Variants in LNX1 observed in about 807,000 individuals in gnomAD.
LNX1 encodes ligand of numb-protein X 1, also known as E3 ubiquitin-protein ligase LNX.
A neutral mutation model predicts 68.4 loss-of-function variants in LNX1; 54 were observed. The observed-to-expected ratio is 0.79, with a 90% CI of 0.63 to 0.99. The LOEUF (loss-of-function observed/expected upper bound fraction) is 0.99. LNX1 is among the 50% of genes least tolerant of loss of function. The probability of loss-of-function intolerance (pLI) is 0.00; values close to 1 mark genes in which losing one functional copy is unlikely to be tolerated. For synonymous variants in LNX1, 336 were observed against 350.0 expected, an observed-to-expected ratio of 0.96 and a Z score of 0.45; for missense variants, 906 against 926.4, an observed-to-expected ratio of 0.98 and a Z score of 0.29.
chr4:53,508,963 A>T (rs115872114), intron 2 of LNX1, among the ~76,000 whole-genome samples: 2,672 of 152,274 alleles, frequency 0.018, 82 homozygotes, highest in African/African-American at 0.061. Context: ...AGAAAACTCC[A>T]CAAAAACCAA....
At chr4:53,530,809 A>G (rs1172004670) in intron 2 of LNX1, among the ~76,000 whole-genome samples, 2 of 152,180 alleles carry the variant, frequency 1.3e-5, no homozygotes, top group Admixed American at 6.5e-5. Context: ...GTCAAATTAC[A>G]TAGTGTCTAG....
intron 1 of LNX1, among the ~76,000 whole-genome samples, chr4:53,637,573 C>A (rs1257898471): frequency 6.6e-6 from 1 of 152,164 alleles, no homozygotes; most frequent in Non-Finnish European, 1.5e-5. Context: ...CCCCACGACA[C>A]TGTAAGGTAG....
At chr4:53,636,725 C>A (rs1235028964) in intron 1 of LNX1, among the ~76,000 whole-genome samples, 1 of 152,086 alleles carries the variant, frequency 6.6e-6, no homozygotes, top group African/African-American at 2.4e-5. Context: ...TATCAGGGAG[C>A]AAACCCTCAG....
chr4:53,586,495 G>A (rs1358565373), intron 1 of LNX1, among the ~76,000 whole-genome samples: 4 of 152,148 alleles, frequency 2.6e-5, no homozygotes, highest in African/African-American at 9.7e-5. Context: ...TCAAACACAA[G>A]AAGCAAATAA....
intron 1 of LNX1, chr4:53,576,298 A>C: frequency 3.1e-6 from 5 of 1,613,202 alleles, no homozygotes; most frequent in Non-Finnish European, 3.4e-6. Flanking sequence ...CCCCATAGCC[A>C]AGTTCCAGGA....
chr4:53,461,623 ATATT>A (rs1264181815), intron 9 of LNX1, 30 bp from the exon 10 acceptor site: 1 of 1,548,434 alleles, frequency 6.5e-7, no homozygotes, highest in Non-Finnish European at 8.8e-7. Flanking sequence ...GTGTACATGC[ATATT>A]TAAGTTTCAC....
At chr4:53,520,605 G>A (rs1727143688) in intron 2 of LNX1, among the ~76,000 whole-genome samples, 1 of 152,138 alleles carries the variant, frequency 6.6e-6, no homozygotes, top group African/African-American at 2.4e-5. Flanking sequence ...TGATGTGATG[G>A]GGTGGGGGTC....
chr4:53,624,482 C>A (rs1211374844), intron 1 of LNX1, among the ~76,000 whole-genome samples: 1 of 152,206 alleles, frequency 6.6e-6, no homozygotes, highest in Non-Finnish European at 1.5e-5. Flanking sequence ...CCTCCCCAGC[C>A]ACATGCAACT....
intron 1 of LNX1, chr4:53,575,518 C>G: frequency 1.0e-6 from 1 of 985,384 alleles, no homozygotes; most frequent in Non-Finnish European, 1.2e-6. Flanking sequence ...AGTCCCCATT[C>G]CAGAGGTGAC....
chr4:53,508,554 A>G (rs1726094703), intron 2 of LNX1, among the ~76,000 whole-genome samples: 1 of 152,180 alleles, frequency 6.6e-6, no homozygotes, highest in African/African-American at 2.4e-5. Flanking sequence ...ATGTTCAACT[A>G]TTTGGTAATT....
At chr4:53,529,991 G>GA (rs1387272747) in intron 2 of LNX1, among the ~76,000 whole-genome samples, 14 of 151,800 alleles carry the variant, frequency 9.2e-5, no homozygotes, top group Non-Finnish European at 1.6e-4. Context: ...CCTCAATATG[G>GA]AAAAAAAACT....
At chr4:53,564,525 GC>G (rs1269899111) in intron 2 of LNX1, among the ~76,000 whole-genome samples, 1 of 152,196 alleles carries the variant, frequency 6.6e-6, no homozygotes, top group African/African-American at 2.4e-5. Context: ...CCTGGGGTGG[GC>G]AGAATAATTA....
At chr4:53,475,133 A>G (rs1723480469) in intron 9 of LNX1, among the ~76,000 whole-genome samples, 1 of 152,236 alleles carries the variant, frequency 6.6e-6, no homozygotes, top group South Asian at 2.1e-4. Context: ...GGTAGAGGGG[A>G]AGAAAGACAT....
chr4:53,646,888 T>A (rs773380455), intron 1 of LNX1, among the ~76,000 whole-genome samples: 5 of 152,238 alleles, frequency 3.3e-5, no homozygotes, highest in South Asian at 4.1e-4. Flanking sequence ...CAATTTAACA[T>A]GAGTAAATAA....
intron 2 of LNX1, among the ~76,000 whole-genome samples, chr4:53,564,509 C>G (rs753761132): frequency 7.9e-5 from 12 of 152,224 alleles, no homozygotes; most frequent in Non-Finnish European, 1.8e-4. Flanking sequence ...TCTCCCCACT[C>G]TTACTCCTGG....
At chr4:53,595,816 G>A (rs141569891), upstream of LNX1, among the ~76,000 whole-genome samples, 4 of 152,290 alleles carry the variant, frequency 2.6e-5, no homozygotes, top group African/African-American at 9.6e-5. Flanking sequence ...TGAACCTACA[G>A]CGAAGACCAT....
At chr4:53,619,499 A>T (rs886904173), upstream of LNX1, among the ~76,000 whole-genome samples, 5 of 152,114 alleles carry the variant, frequency 3.3e-5, no homozygotes, top group Non-Finnish European at 7.4e-5. Flanking sequence ...TTCAAGTTTC[A>T]TGCGTGTTGG....
At chr4:53,466,156 GA>G (rs11285844) in intron 9 of LNX1, among the ~76,000 whole-genome samples, 147,529 of 151,658 alleles carry the variant, frequency 0.97, 71,831 homozygotes, top group Non-Finnish European at 1. Flanking sequence ...TTTGTTTTAA[GA>G]AAAAAAAAAT....
At chr4:53,562,578 T>C (rs2109742249) in intron 2 of LNX1, among the ~76,000 whole-genome samples, 1 of 152,340 alleles carries the variant, frequency 6.6e-6, no homozygotes, top group African/African-American at 2.4e-5. Flanking sequence ...AAACGCATTC[T>C]GGAGAAAACA....
Sources: gnomAD v4.1 joint callset for allele counts (sites outside exome capture counted in the v4.1 genomes callset) on GRCh38, gnomAD v4.1.1 for gene constraint, MANE v1.5 for transcripts, NCBI Gene and HGNC (gene_info 2026-07-23, HGNC 2026-07-21) for gene names.